DAP3: variants seen among roughly 807,000 people sequenced by gnomAD.
The protein encoded by DAP3 is small ribosomal subunit protein mS29.
Under a neutral mutation model 51.9 loss-of-function variants are expected in DAP3, and 28 were observed. That is an observed-to-expected ratio of 0.54 (90% CI 0.40 to 0.74). The LOEUF is 0.74. Among genes scored for constraint, DAP3 ranks in the 30% least tolerant of loss-of-function variants. The probability of loss-of-function intolerance (pLI) is 0.00; values close to 1 mark genes in which losing one functional copy is unlikely to be tolerated. For synonymous variants in DAP3, 170 were observed against 170.3 expected (o/e 1.00, Z 0.01); for missense variants, 458 against 483.5 (o/e 0.95, Z 0.49).
upstream of DAP3, chr1:155,688,296 C>A: frequency 6.4e-7 from 1 of 1,571,314 alleles, no homozygotes; most frequent in South Asian, 1.2e-5. Context: ...GGGATCGTTT[C>A]CCCTCGCAAA....
chr1:155,714,637 C>T (rs770949236), intron 2 of DAP3, among the ~76,000 whole-genome samples: 14 of 151,926 alleles, frequency 9.2e-5, no homozygotes, highest in South Asian at 2.1e-4. Context: ...TGATGGCGGG[C>T]GCCTGTAATC....
rs983130426 is a variant in DAP3, at chr1:155,729,378, G to A, written c.843+12G>A. On this transcript the variant is annotated intron_variant, in intron 9 of 12. Coordinates refer to ENST00000368336, the MANE Select transcript of DAP3 (RefSeq NM_004632.4). The stretch of plus-strand genomic sequence containing the variant: ...AAGATAAAAGCCCGGTAGGAAAACT[G>A]GGTGTCTCTATCTTGTTTCTCTGAT... The A allele has an allele frequency of 1.2e-6, 2 of 1,612,864 alleles. No homozygotes were observed. The highest frequency in any genetic ancestry group is 8.5e-7 in the Non-Finnish European group (1 of 1,179,554).
chr1:155,697,697 T>G (rs1443081422), intron 1 of DAP3, among the ~76,000 whole-genome samples: 1 of 152,074 alleles, frequency 6.6e-6, no homozygotes, highest in Non-Finnish European at 1.5e-5. Flanking sequence ...CTGATGAAGG[T>G]CCATGTCCCG....
intron 6 of DAP3, 147 bp downstream of exon 6, chr1:155,726,166 T>C (rs903848594): frequency 2.1e-5 from 13 of 616,340 alleles, no homozygotes; most frequent in Admixed American, 1.7e-4. Flanking sequence ...CAGTCTGGAG[T>C]GCAGAGGCGC....
upstream of DAP3, chr1:155,688,172 T>C (rs775906153): frequency 6.2e-7 from 1 of 1,613,774 alleles, no homozygotes; most frequent in Non-Finnish European, 8.5e-7. Context: ...TCCCTCCCGC[T>C]TGTCAGGAGG....
intron 4 of DAP3, among the ~76,000 whole-genome samples, chr1:155,724,409 G>GGGTGTCACC: frequency 6.6e-6 from 1 of 151,866 alleles, no homozygotes; most frequent in South Asian, 2.1e-4. Flanking sequence ...GCTGAGACGG[G>GGGTGTCACC]TGGATCATGA....
intron 2 of DAP3, chr1:155,710,674 G>A (rs183465025): frequency 2.0e-5 from 3 of 152,146 alleles, no homozygotes; most frequent in African/African-American, 7.2e-5. Context: ...ACCCATGAAC[G>A]AGATAATATC....
At chr1:155,707,039 C>T (rs1183864146) in intron 1 of DAP3, among the ~76,000 whole-genome samples, 2 of 151,772 alleles carry the variant, frequency 1.3e-5, no homozygotes, top group African/African-American at 2.4e-5. Flanking sequence ...TGCAGTGAGC[C>T]GGGATCATGC....
Position 155,693,170 on chromosome 1 carries a change from C to G in DAP3, c.-8+3996C>G, listed in dbSNP as rs1014899737. On this transcript the variant is annotated intron_variant, in intron 1 of 12. Transcript: ENST00000368336. ...ACCAGCAACACAGATGTTTTCACAT[C>G]AAACGTGGAATCAATACAGGTGAAA... 9.2e-5 allele frequency among the ~76,000 whole-genome samples: 13 copies of G among 141,812 alleles called. 1 individual carries two copies. In the East Asian group the frequency reaches 1.4e-3, roughly 15 times the overall value. 93.0% of individuals were successfully genotyped at this position (141,812 alleles called of 152,430 possible).
At chr1:155,724,968 GA>G (rs1482300447) in intron 4 of DAP3, among the ~76,000 whole-genome samples, 8 of 150,440 alleles carry the variant, frequency 5.3e-5, no homozygotes, top group Non-Finnish European at 1.2e-4. Context: ...AAAAAAAAAA[GA>G]AAAAAAATTT....
chr1:155,723,106 G>C (rs1658184082), intron 4 of DAP3, among the ~76,000 whole-genome samples: 1 of 151,762 alleles, frequency 6.6e-6, no homozygotes, highest in South Asian at 2.1e-4. Context: ...TTTTGGAGCA[G>C]ACCTAACTCA....
chr1:155,688,614 C>T, upstream of DAP3: 1 of 1,535,184 alleles, frequency 6.5e-7, no homozygotes, highest in Non-Finnish European at 8.7e-7. Flanking sequence ...TCCACTCCCC[C>T]TCAGACCCTG....
chr1:155,688,265 G>C (rs748081654), upstream of DAP3: 3 of 1,599,674 alleles, frequency 1.9e-6, no homozygotes, highest in Admixed American at 5.3e-5. Context: ...CTGAGAGGAG[G>C]CGGATCCCGC....
Position 155,699,171 on chromosome 1 carries a change from A to T in DAP3, c.-8+9997A>T, listed in dbSNP as rs190087862. On this transcript the variant is annotated intron_variant, in intron 1 of 12. Coordinates refer to ENST00000368336, the MANE Select transcript of DAP3 (RefSeq NM_004632.4). ...ATAATCACTTAGATCTAAGAAGCAG[A>T]TGTTCAGGGCAAAACTGTGAAAGGG... Among the ~76,000 whole-genome samples, 49 of 152,302 alleles carry T rather than the reference A, an allele frequency of 3.2e-4. 1 individual carries two copies. The highest frequency in any genetic ancestry group is 9.6e-4 in the African/African-American group (40 of 41,570).
chr1:155,735,204 C>T lies in DAP3; in HGVS notation c.994-1742C>T, dbSNP rs997454565. Among the ~76,000 whole-genome samples, 3 of 152,082 alleles carry T rather than the reference C, an allele frequency of 2.0e-5. No individual in the cohort carries two copies. In the East Asian group the frequency reaches 5.8e-4, roughly 29 times the overall value. ...GCTGAGGTGGGAGAATCGCTTGACC[C>T]TGGGAGGCAGAGGTTGCAGTGAGCT... On this transcript the variant is annotated intron_variant, in intron 11 of 12. Transcript: ENST00000368336.
chr1:155,688,727 G>A (rs1266987905), upstream of DAP3: 14 of 1,468,108 alleles, frequency 9.5e-6, no homozygotes, highest in Non-Finnish European at 1.3e-5. Context: ...CCGCCCGCAC[G>A]GCCACCAACC....
In DAP3 at chr1:155,735,531, C is replaced by T. The variant is rs535083751; in HGVS notation, c.994-1415C>T. On this transcript the variant is annotated intron_variant, in intron 11 of 12. Transcript: ENST00000368336. ...GGCAGAGGTTGCAGTGAGCCGAGAT[C>T]GTGCCATTGCACTCTAGCCTGGGCA... Among the ~76,000 whole-genome samples the T allele has an allele frequency of 2.2e-3, 328 of 151,212 alleles. 1 individual carries two copies. The highest frequency in any genetic ancestry group is 2.4e-3 in the Non-Finnish European group (166 of 67,902).
chr1:155,710,047 T>TCTC (rs1354176859), intron 2 of DAP3: 2 of 421,620 alleles, frequency 4.7e-6, no homozygotes, highest in Non-Finnish European at 8.4e-6. Flanking sequence ...TTTATTAACT[T>TCTC]TATTTCTCTA....
intron 1 of DAP3, among the ~76,000 whole-genome samples, chr1:155,693,654 C>T (rs1029971707): frequency 2.8e-5 from 4 of 142,018 alleles, no homozygotes; most frequent in African/African-American, 1.3e-4. Context: ...TTTGAAGTAC[C>T]ACAGCGTGAT....
Sources: allele counts gnomAD v4.1 joint callset (sites outside exome capture counted in the v4.1 genomes callset), GRCh38; gene constraint gnomAD v4.1.1; transcripts MANE v1.5; gene names NCBI Gene and HGNC (gene_info 2026-07-23, HGNC 2026-07-21).